CFAP47: variants seen among roughly 807,000 people sequenced by gnomAD.
CFAP47 encodes the protein cilia and flagella associated protein 47.
A neutral mutation model predicts 148.1 loss-of-function variants in CFAP47; 29 were observed. The ratio of observed to expected loss-of-function variants is 0.20; its 90% CI spans 0.15 to 0.27. CFAP47 has a LOEUF of 0.27. Ranked by LOEUF, CFAP47 falls within the 10% of genes least tolerant of loss-of-function variation. CFAP47 has a pLI of 1.00. For missense variants in CFAP47, 1,872 were observed against 1,697.5 expected (o/e 1.10, Z -1.81); for synonymous variants, 664 against 577.3 (o/e 1.15, Z -2.15).
At chrX:36,198,785 C>A (rs1939945764) in intron 42 of CFAP47, among the ~76,000 whole-genome samples, 1 of 111,481 alleles carries the variant, frequency 9.0e-6, no homozygotes. Flanking sequence ...TGTCTGGACT[C>A]CCCCACTTCC....
intron 33 of CFAP47, among the ~76,000 whole-genome samples, chrX:36,128,457 A>G (rs984957174): frequency 9.0e-6 from 1 of 111,197 alleles, no homozygotes; most frequent in African/African-American, 3.3e-5. Context: ...ATTCTACAAT[A>G]TACATTTCTT....
intron 16 of CFAP47, 129 bp downstream of exon 16, chrX:35,989,578 T>A (rs373956154): frequency 2.9e-5 from 34 of 1,163,816 alleles, no homozygotes; most frequent in Non-Finnish European, 3.8e-5. Context: ...ACAGTACTAG[T>A]TTTTTTGTTA....
intron 2 of CFAP47, among the ~76,000 whole-genome samples, chrX:35,936,202 T>G (rs1435575100): frequency 8.9e-6 from 1 of 111,899 alleles, no homozygotes. Flanking sequence ...CATTTTTTTC[T>G]CTTTCTCTCT....
intron 56 of CFAP47, among the ~76,000 whole-genome samples, chrX:36,317,696 G>A (rs2146966535): frequency 9.1e-6 from 1 of 110,066 alleles, no homozygotes; most frequent in East Asian, 2.8e-4. Context: ...GGGATTACAG[G>A]CGTGAGCCGC....
intron 49 of CFAP47, among the ~76,000 whole-genome samples, chrX:36,257,260 C>A (rs1459216148): frequency 9.0e-6 from 1 of 111,165 alleles, no homozygotes; most frequent in Non-Finnish European, 1.9e-5. Flanking sequence ...GATGAAAGGA[C>A]AACAGAGAAA....
In CFAP47 at chrX:36,297,887, G is replaced by A. The variant is rs149824625; in HGVS notation, c.7687-1090G>A. On this transcript the variant is annotated intron_variant, in intron 51 of 63. Transcript: ENST00000378653. ...TATAAATTTCAGACCCCATCCCAGA[G>A]CTACTGAATCTCTGGGATGAAGAAA... Among the ~76,000 whole-genome samples the A allele has an allele frequency of 5.4e-5, 6 of 111,283 alleles. No individual in the cohort carries two copies. In the East Asian group the frequency reaches 1.7e-3, roughly 32 times the overall value.
intron 33 of CFAP47, among the ~76,000 whole-genome samples, chrX:36,124,676 T>A (rs759440656): frequency 1.8e-5 from 2 of 111,411 alleles, no homozygotes; most frequent in East Asian, 5.7e-4. Flanking sequence ...AATTTAAGAT[T>A]GTTTTTCCTA....
chrX:36,307,098 A>G (rs1556008997), intron 55 of CFAP47, among the ~76,000 whole-genome samples: 1 of 111,244 alleles, frequency 9.0e-6, no homozygotes, highest in Non-Finnish European at 1.9e-5. Context: ...AAAGACAAAT[A>G]TATACCCAGA....
chrX:36,326,332 A>ACACAC (rs1569318192), intron 57 of CFAP47, among the ~76,000 whole-genome samples: 1 of 101,872 alleles, frequency 9.8e-6, no homozygotes, highest in African/African-American at 4.0e-5. Flanking sequence ...CACACACACA[A>ACACAC]ACGTGCTAGG....
At chrX:36,298,330 G>A (rs1161817496) in intron 51 of CFAP47, among the ~76,000 whole-genome samples, 2 of 101,197 alleles carry the variant, frequency 2.0e-5, no homozygotes, top group Admixed American at 1.1e-4. Context: ...AACACCGCAT[G>A]TTCTCACTCA....
At chrX:35,998,104 A>G (rs1204978563) in intron 19 of CFAP47, among the ~76,000 whole-genome samples, 2 of 111,454 alleles carry the variant, frequency 1.8e-5, no homozygotes, top group Non-Finnish European at 3.8e-5. Context: ...CCTAATTTCC[A>G]TTGCTTCAAA....
chrX:35,996,032 G>A (rs970929387), intron 18 of CFAP47, among the ~76,000 whole-genome samples: 1 of 110,970 alleles, frequency 9.0e-6, no homozygotes, highest in African/African-American at 3.3e-5. Flanking sequence ...TGGTTTCAGA[G>A]GTTGTGCATT....
chrX:35,924,438 T>G (rs562840735), intron 1 of CFAP47, among the ~76,000 whole-genome samples: 17 of 106,994 alleles, frequency 1.6e-4, no homozygotes, highest in East Asian at 1.3e-3. Context: ...TGTGTATATA[T>G]GTACACCTAT....
chrX:36,181,865 CA>C (rs1339685066), intron 40 of CFAP47, among the ~76,000 whole-genome samples: 1 of 112,493 alleles, frequency 8.9e-6, no homozygotes, highest in African/African-American at 3.2e-5. Context: ...GAGGGCTTGT[CA>C]ATTAATGCAA....
At chrX:36,059,426 T>C (rs1305909143) in intron 26 of CFAP47, among the ~76,000 whole-genome samples, 3 of 112,028 alleles carry the variant, frequency 2.7e-5, no homozygotes, top group Admixed American at 1.9e-4. Flanking sequence ...AGCTAGTGCC[T>C]ATGCTCTAAG....
At chrX:36,026,332 A>G (rs769023312) in intron 22 of CFAP47, among the ~76,000 whole-genome samples, 2 of 111,896 alleles carry the variant, frequency 1.8e-5, no homozygotes, top group South Asian at 7.4e-4. Context: ...GATGTACAAC[A>G]TGATGTTTTG....
In CFAP47 at chrX:35,957,858, TA is replaced by T. The variant is rs754694712; in HGVS notation, c.1410+1664del. 3.6e-5 allele frequency among the ~76,000 whole-genome samples: 4 copies of T among 112,565 alleles called. No individual in the cohort carries two copies. The South Asian group carries it at 1.5e-3, about 41-fold the overall frequency. On this transcript the variant is annotated intron_variant, in intron 8 of 63. Coordinates refer to ENST00000378653, the MANE Select transcript of CFAP47 (RefSeq NM_001304548.2). ...GGCCTTTGACTATTTAGAAGTGTGATAAGATTATTCTTTTTAAATAATAACT... is the reference window on the plus strand; with the variant it reads ...GGCCTTTGACTATTTAGAAGTGTGATAGATTATTCTTTTTAAATAATAACT...
chrX:36,313,008 C>G (rs1556010295), intron 56 of CFAP47, among the ~76,000 whole-genome samples: 1 of 111,263 alleles, frequency 9.0e-6, no homozygotes, highest in Non-Finnish European at 1.9e-5. Context: ...TTTGTGGTAT[C>G]TTTTTTAGGC....
At chrX:36,351,506 G>A (rs73631107) in intron 59 of CFAP47, among the ~76,000 whole-genome samples, 2,048 of 111,567 alleles carry the variant, frequency 0.018, 45 homozygotes, top group African/African-American at 0.063. Flanking sequence ...GTCTACTGCA[G>A]ACAGATTCAT....
Sources: gnomAD v4.1 joint callset for allele counts (sites outside exome capture counted in the v4.1 genomes callset) on GRCh38, gnomAD v4.1.1 for gene constraint, MANE v1.5 for transcripts, NCBI Gene and HGNC (gene_info 2026-07-23, HGNC 2026-07-21) for gene names.